Variants in PHKA2 observed in about 807,000 individuals in gnomAD.
PHKA2 encodes the protein phosphorylase b kinase regulatory subunit alpha, liver isoform.
Under a neutral mutation model 102.0 loss-of-function variants are expected in PHKA2, and 31 were observed. The ratio of observed to expected loss-of-function variants is 0.30; its 90% confidence interval spans 0.23 to 0.41. The LOEUF is 0.41. PHKA2 is among the 10% of genes least tolerant of loss of function. The pLI is 1.00. For synonymous variants in PHKA2, 455 were observed against 416.2 expected, an observed-to-expected ratio of 1.09 and a Z score of -1.13; for missense variants, 858 against 1,023.1, an observed-to-expected ratio of 0.84 and a Z score of 2.20.
At chrX:18,894,506 G>A (rs1601687716) in intron 31 of PHKA2, 102 bp from the exon 32 acceptor site, 3 of 703,334 alleles carry the variant, frequency 4.3e-6, no homozygotes, top group East Asian at 3.4e-5. Context: ...GCCTGGGCTC[G>A]GGGCTCAGCG....
rs187652466 is a variant in PHKA2 at position 18,895,024 on chromosome X, A to G, written c.3336+114T>C. 8.2e-5 allele frequency: 59 copies of G among 721,779 alleles called. 1 individual carries two copies. The Middle Eastern group carries it at 3.7e-3, about 46-fold the overall frequency. 59.5% of individuals were successfully genotyped at this position (721,779 alleles called of 1,213,427 possible). Reference sequence around the variant, plus strand: ...GGGGCTAGACAGCTCAGAGCTACAAATGGCCTGTCAATTAGAATGAGCCCA... The same window carrying G: ...GGGGCTAGACAGCTCAGAGCTACAAGTGGCCTGTCAATTAGAATGAGCCCA... On this transcript the variant is annotated intron_variant, in intron 31 of 32. Transcript: ENST00000379942.
At chrX:18,913,640 C>T (rs1225618730) in intron 19 of PHKA2, among the ~76,000 whole-genome samples, 5 of 111,637 alleles carry the variant, frequency 4.5e-5, no homozygotes, top group Non-Finnish European at 9.4e-5. Context: ...TCCTGACCCA[C>T]CCACCTGGGC....
intron 12 of PHKA2, among the ~76,000 whole-genome samples, chrX:18,930,011 T>C (rs1330939791): frequency 8.9e-6 from 1 of 112,469 alleles, no homozygotes; most frequent in Non-Finnish European, 1.9e-5. Context: ...TTTCCCCACT[T>C]GGTCCATTAG....
At chrX:18,953,887 G>A (rs911916488) in intron 2 of PHKA2, among the ~76,000 whole-genome samples, 1 of 111,206 alleles carries the variant, frequency 9.0e-6, no homozygotes, top group Admixed American at 9.6e-5. Context: ...TCGGGAGGCT[G>A]AGGCAGGACA....
intron 28 of PHKA2, among the ~76,000 whole-genome samples, chrX:18,900,364 C>T (rs1289363327): frequency 9.0e-6 from 1 of 111,637 alleles, no homozygotes; most frequent in Admixed American, 9.5e-5. Flanking sequence ...CGCATTTCCC[C>T]CCCATTTAGT....
At chrX:18,927,115 C>T (rs1458560270) in intron 13 of PHKA2, among the ~76,000 whole-genome samples, 1 of 111,906 alleles carries the variant, frequency 8.9e-6, no homozygotes, top group Non-Finnish European at 1.9e-5. Flanking sequence ...AGTGGGGATG[C>T]TGGCGGTAGT....
chrX:18,902,452 T>C (rs1177183304), intron 26 of PHKA2, among the ~76,000 whole-genome samples: 4 of 107,853 alleles, frequency 3.7e-5, no homozygotes, highest in African/African-American at 1.3e-4. Flanking sequence ...TTTGGATAAG[T>C]AAAAAATTAT....
At position 18,899,159 on chromosome X, in the gene PHKA2, C is replaced by A. The variant is rs759056537; in HGVS notation, c.3111+14G>T. The A allele has an allele frequency of 4.0e-5, 48 of 1,198,436 alleles. No individual in the cohort carries two copies. In the African/African-American group the frequency reaches 5.8e-4, roughly 14 times the overall value. On this transcript the variant is annotated intron_variant, in intron 29 of 32. Coordinates refer to ENST00000379942, the MANE Select transcript of PHKA2 (RefSeq NM_000292.3). ...GGAGCGGGGACGGACACAATAATCC[C>A]GAGGCACTGTTACCGCAGACTTGGA...
intron 30 of PHKA2, 122 bp downstream of exon 30, chrX:18,897,041 C>G (rs773477977): frequency 1.2e-5 from 10 of 825,228 alleles, no homozygotes; most frequent in Admixed American, 4.4e-5. Context: ...CAGGTGCCAA[C>G]AGCGCTGAGG....
At chrX:18,932,695 G>C (rs983162246) in intron 11 of PHKA2, among the ~76,000 whole-genome samples, 2 of 111,095 alleles carry the variant, frequency 1.8e-5, no homozygotes, top group Admixed American at 1.9e-4. Context: ...ATAATCTTTG[G>C]GTGGTAGAAT....
rs761348683 is a variant in PHKA2 at position 18,948,847 on chromosome X, G to A, written c.455-21C>T. On this transcript the variant is annotated intron_variant, in intron 4 of 32. Transcript: ENST00000379942. ...TAAGCCTAGCAAAGAAAAACAATGA[G>A]GTTATGAAGCCATGTTGCAGAGAGC... 9 of 1,053,963 alleles carry A rather than the reference G, an allele frequency of 8.5e-6. No homozygotes were observed. In the African/African-American group the frequency reaches 9.1e-5, roughly 11 times the overall value. The allele number at this position is 1,053,963 out of a possible 1,213,427, so 86.9% of individuals were successfully genotyped here.
At chrX:18,912,193 A>G (rs2047938407) in intron 19 of PHKA2, among the ~76,000 whole-genome samples, 1 of 112,382 alleles carries the variant, frequency 8.9e-6, no homozygotes, top group Non-Finnish European at 1.9e-5. Flanking sequence ...AATTCCTTCC[A>G]ACCCTCCACT....
At chrX:18,954,662 T>C (rs2048748988) in intron 1 of PHKA2, among the ~76,000 whole-genome samples, 1 of 112,741 alleles carries the variant, frequency 8.9e-6, no homozygotes, top group Admixed American at 9.4e-5. Flanking sequence ...CCAGCTCTTA[T>C]GTTCTTTTGC....
At chrX:18,915,908 T>C (rs950782913) in intron 19 of PHKA2, among the ~76,000 whole-genome samples, 2 of 111,461 alleles carry the variant, frequency 1.8e-5, no homozygotes, top group Admixed American at 1.9e-4. Flanking sequence ...AGAGAAAATG[T>C]TGGGCAGGAA....
intron 1 of PHKA2, among the ~76,000 whole-genome samples, chrX:18,963,432 A>T (rs760519006): frequency 1.8e-5 from 2 of 112,098 alleles, no homozygotes; most frequent in African/African-American, 6.5e-5. Context: ...GGACAACCCT[A>T]CCAGAGAATA....
chrX:18,911,251 G>A (rs998843255), intron 19 of PHKA2, among the ~76,000 whole-genome samples: 2 of 106,186 alleles, frequency 1.9e-5, no homozygotes, highest in Non-Finnish European at 3.9e-5. Context: ...TTGGCTCACC[G>A]CAACCTCCAC....
intron 1 of PHKA2, among the ~76,000 whole-genome samples, chrX:18,975,383 C>T (rs2049073365): frequency 8.9e-6 from 1 of 111,885 alleles, no homozygotes; most frequent in African/African-American, 3.2e-5. Flanking sequence ...TGACTTGCTC[C>T]TCCTTGTCTT....
intron 13 of PHKA2, among the ~76,000 whole-genome samples, chrX:18,927,676 C>G (rs1048099599): frequency 9.8e-5 from 11 of 111,925 alleles, no homozygotes; most frequent in African/African-American, 3.6e-4. Flanking sequence ...CAACAAGCCC[C>G]CAGGGAAGCC....
Position 18,920,160 on chromosome X carries a change from A to C in PHKA2, c.1835T>G (p.Phe612Cys), listed in dbSNP as rs775331030. 1 of 1,101,445 alleles carries C rather than the reference A, an allele frequency of 9.1e-7. No individual in the cohort carries two copies. Among genetic ancestry groups the C allele is most frequent in the East Asian group, 3.0e-5 (1 of 33,353 alleles). 90.8% of individuals were successfully genotyped at this position (1,101,445 alleles called of 1,213,427 possible). Residue 612 changes from phenylalanine (F) to cysteine (C), a missense_variant, in exon 18 of 33, where the codon TTC (phenylalanine) becomes TGC (cysteine). By Grantham distance (205) the Phe-to-Cys change is radical. This residue lies in a region of PHKA2 where 671 missense variants were observed against 745.2 expected (regional missense o/e 0.90). Coordinates refer to ENST00000379942, the MANE Select transcript of PHKA2 (RefSeq NM_000292.3). ...GNLSEFLTTS[F>C]YTYLTFLDPD... ...ATCCAGAAAAGTCAGATATGTGTAG[A>C]ACGATGTGGTGAGAAATTCCGAAAG...
Sources: gnomAD v4.1 joint callset for allele counts (sites outside exome capture counted in the v4.1 genomes callset) on GRCh38, gnomAD v4.1.1 for gene constraint, gnomAD v4.1.1 regional missense constraint, MANE v1.5 for transcripts, NCBI Gene and HGNC (gene_info 2026-07-23, HGNC 2026-07-21) for gene names.